Variants in REG4 observed in about 807,000 individuals in gnomAD.
The protein encoded by REG4 is regenerating islet-derived protein 4.
REG4 carries 16 observed loss-of-function variants against 22.3 expected under a neutral mutation model. That is an observed-to-expected ratio of 0.72 (90% CI 0.49 to 1.09). REG4 has a LOEUF of 1.09. Among genes scored for constraint, REG4 ranks in the 50% least tolerant of loss-of-function variants. The pLI, the probability that REG4 is intolerant of heterozygous loss-of-function variation, is 0.00. For synonymous variants in REG4, 71 were observed against 69.2 expected, an observed-to-expected ratio of 1.03 and a Z score of -0.13; for missense variants, 214 against 193.9, an observed-to-expected ratio of 1.10 and a Z score of -0.61.
At position 119,794,131 on chromosome 1, in the gene REG4, A is replaced by T; in HGVS notation, c.*487T>A. ...TTAAAGGAATGTATGGCCCACATCA[A>T]CCTAGCAAGGATTCTACTGGTAAAC... On this transcript the variant is annotated 3_prime_UTR_variant, in exon 6 of 6. Transcript: ENST00000256585. 1 of 533,896 alleles carries T rather than the reference A, an allele frequency of 1.9e-6. No individual in the cohort carries two copies. Among genetic ancestry groups the T allele is most frequent in the South Asian group, 1.4e-5 (1 of 71,596 alleles). The allele number at this position is 533,896 out of a possible 1,614,324, so 33.1% of individuals were successfully genotyped here.
chr1:119,804,083 G>C (rs1359299134), intron 2 of REG4, among the ~76,000 whole-genome samples: 1 of 152,202 alleles, frequency 6.6e-6, no homozygotes, highest in African/African-American at 2.4e-5. Context: ...ATGTACAGAG[G>C]CATCAGGTGA....
At chr1:119,803,198 G>A in intron 2 of REG4, 33 bp from the exon 3 acceptor site, 1 of 1,495,368 alleles carries the variant, frequency 6.7e-7, no homozygotes, top group Non-Finnish European at 8.9e-7. Context: ...TGCACATTAT[G>A]ATAGCAAAAA....
At position 119,799,841 on chromosome 1, in the gene REG4, T is replaced by C. The variant is rs1257874612; in HGVS notation, c.187A>G (p.Asn63Asp). Reference protein sequence around the residue: ...DAELECQSYGNGAHLASILSL... With the variant: ...DAELECQSYGDGAHLASILSL... The stretch of plus-strand genomic sequence containing the variant: ...AGGATAGATGCCAGGTGGGCTCCGT[T>C]TCCGTAAGACTGACACTCGAGCTAT... Residue 63 changes from asparagine (N) to aspartate (D), a missense_variant, in exon 4 of 6, where the codon AAC (asparagine) becomes GAC (aspartate). Transcript: ENST00000256585. The C allele has an allele frequency of 1.9e-6, 3 of 1,613,984 alleles. No individual in the cohort carries two copies. Among genetic ancestry groups the C allele is most frequent in the Non-Finnish European group, 1.7e-6 (2 of 1,180,048 alleles).
At chr1:119,808,670 T>C in intron 2 of REG4, 33 bp downstream of exon 2, 1 of 1,538,830 alleles carries the variant, frequency 6.5e-7, no homozygotes, top group Middle Eastern at 1.7e-4. Flanking sequence ...ACACTGGCTG[T>C]GGCTCAGTTC....
chr1:119,800,951 T>C (rs587628876), intron 3 of REG4, among the ~76,000 whole-genome samples: 3 of 152,228 alleles, frequency 2.0e-5, no homozygotes, highest in Admixed American at 6.5e-5. Context: ...TCTGTTTTAC[T>C]TCTGTATGTC....
intron 2 of REG4, among the ~76,000 whole-genome samples, chr1:119,807,092 T>C (rs1654344255): frequency 6.6e-6 from 1 of 152,236 alleles, no homozygotes; most frequent in Non-Finnish European, 1.5e-5. Context: ...ATAAATGATG[T>C]TGCTCTATGT....
At chr1:119,798,347 C>CT in intron 5 of REG4, 150 bp downstream of exon 5, 1 of 645,362 alleles carries the variant, frequency 1.5e-6, no homozygotes, top group East Asian at 2.5e-5. Context: ...TAACCAATGT[C>CT]TGTGGCAAGG....
intron 5 of REG4, among the ~76,000 whole-genome samples, chr1:119,798,249 T>G (rs969546506): frequency 6.6e-6 from 1 of 152,136 alleles, no homozygotes; most frequent in African/African-American, 2.4e-5. Flanking sequence ...AATGAATGGA[T>G]TTAAAGAAAA....
At chr1:119,806,488 G>C (rs1557763759) in intron 2 of REG4, among the ~76,000 whole-genome samples, 1 of 152,154 alleles carries the variant, frequency 6.6e-6, no homozygotes, top group East Asian at 1.9e-4. Flanking sequence ...TCAAGTTATT[G>C]CTTTAAATCC....
chr1:119,802,526 C>A, intron 3 of REG4: 1 of 1,082,356 alleles, frequency 9.2e-7, no homozygotes, highest in Non-Finnish European at 1.1e-6. Flanking sequence ...GCTGAGATAA[C>A]TTACTTTGAC....
chr1:119,801,035 T>A (rs587643036), intron 3 of REG4: 1 of 152,338 alleles, frequency 6.6e-6, no homozygotes, highest in South Asian at 2.1e-4. Context: ...GGCCATGCAA[T>A]CTGAATTTTT....
chr1:119,802,646 T>C, intron 3 of REG4: 1 of 1,366,014 alleles, frequency 7.3e-7, no homozygotes, highest in Non-Finnish European at 9.4e-7. Context: ...CTGCTTCACC[T>C]TCTGTCAGCG....
intron 5 of REG4, 40 bp downstream of exon 5, chr1:119,798,457 C>T (rs775614232): frequency 1.5e-5 from 22 of 1,492,522 alleles, no homozygotes; most frequent in African/African-American, 5.5e-5. Context: ...GAAGAGTCTG[C>T]GCATTGGGAA....
intron 2 of REG4, among the ~76,000 whole-genome samples, chr1:119,805,020 TA>T (rs1654254040): frequency 6.6e-6 from 1 of 152,200 alleles, no homozygotes; most frequent in Admixed American, 6.5e-5. Flanking sequence ...GGTCACACAG[TA>T]AGATGGAAAA....
chr1:119,807,894 T>A (rs1049643993), intron 2 of REG4, among the ~76,000 whole-genome samples: 4 of 152,206 alleles, frequency 2.6e-5, no homozygotes, highest in African/African-American at 9.6e-5. Context: ...CAGATAGCAC[T>A]GGTCCCCTCT....
chr1:119,803,273 A>AT, intron 2 of REG4, 108 bp from the exon 3 acceptor site: 3 of 1,202,158 alleles, frequency 2.5e-6, no homozygotes, highest in Non-Finnish European at 3.4e-6. Flanking sequence ...GAGTCCCTTC[A>AT]TGAAGGGTCC....
chr1:119,803,229 T>A (rs1557762339), intron 2 of REG4, 64 bp from the exon 3 acceptor site: 3 of 1,463,336 alleles, frequency 2.1e-6, no homozygotes, highest in Non-Finnish European at 1.8e-6. Flanking sequence ...CCAGACTTGA[T>A]ACAGTTTGCA....
At chr1:119,803,562 A>G (rs771063379) in intron 2 of REG4, among the ~76,000 whole-genome samples, 1 of 152,218 alleles carries the variant, frequency 6.6e-6, no homozygotes, top group Non-Finnish European at 1.5e-5. Flanking sequence ...CAGTTCTGGA[A>G]TGCATAATTG....
At chr1:119,805,590 C>T (rs1046791431) in intron 2 of REG4, among the ~76,000 whole-genome samples, 6 of 152,072 alleles carry the variant, frequency 3.9e-5, no homozygotes, top group African/African-American at 1.4e-4. Flanking sequence ...ATGACTCTCT[C>T]TCTTCTCTTT....
Sources: allele counts gnomAD v4.1 joint callset (sites outside exome capture counted in the v4.1 genomes callset), GRCh38; gene constraint gnomAD v4.1.1; transcripts MANE v1.5; gene names NCBI Gene and HGNC (gene_info 2026-07-23, HGNC 2026-07-21).